Variants in ZNF385B observed in about 807,000 individuals in gnomAD.
The protein encoded by ZNF385B is zinc finger protein 533.
ZNF385B carries 23 observed loss-of-function variants against 39.2 expected under a neutral mutation model. The ratio of observed to expected loss-of-function variants is 0.59; its 90% CI spans 0.42 to 0.83. The LOEUF is 0.83. Ranked by LOEUF, ZNF385B falls within the 40% of genes least tolerant of loss-of-function variation. The pLI, the probability that ZNF385B is intolerant of heterozygous loss-of-function variation, is 0.00. For synonymous variants in ZNF385B, 205 were observed against 222.6 expected (o/e 0.92, Z 0.70); for missense variants, 552 against 598.9 (o/e 0.92, Z 0.82).
At chr2:179,513,229 T>TC (rs35350779) in intron 5 of ZNF385B, among the ~76,000 whole-genome samples, 9 of 151,712 alleles carry the variant, frequency 5.9e-5, no homozygotes, top group African/African-American at 1.9e-4. Context: ...AATAATAAAC[T>TC]CCCCCCCAAA....
At chr2:179,524,990 T>G (rs987002857) in intron 4 of ZNF385B, among the ~76,000 whole-genome samples, 1 of 152,216 alleles carries the variant, frequency 6.6e-6, no homozygotes, top group Non-Finnish European at 1.5e-5. Context: ...AATTACCTCC[T>G]GTAGTCTCCA....
chr2:179,839,613 TC>T (rs1262659717), intron 1 of ZNF385B, among the ~76,000 whole-genome samples: 9 of 152,070 alleles, frequency 5.9e-5, no homozygotes, highest in Non-Finnish European at 1.2e-4. Flanking sequence ...TAAGTTAGGG[TC>T]CCAGTGGGAA....
chr2:179,522,947 C>T, intron 4 of ZNF385B: 1 of 402,474 alleles, frequency 2.5e-6, no homozygotes, highest in South Asian at 2.0e-5. Flanking sequence ...TAGAAGCAGT[C>T]ATCTGGAATT....
At chr2:179,532,422 T>C (rs1382935071) in intron 4 of ZNF385B, among the ~76,000 whole-genome samples, 4 of 152,090 alleles carry the variant, frequency 2.6e-5, no homozygotes, top group Non-Finnish European at 5.9e-5. Context: ...AATCAAACAA[T>C]GAAGAGAAAC....
intron 3 of ZNF385B, among the ~76,000 whole-genome samples, chr2:179,675,881 G>A (rs372384045): frequency 2.2e-4 from 34 of 151,808 alleles, no homozygotes; most frequent in African/African-American, 7.5e-4. Flanking sequence ...TCCGCCTCCT[G>A]GGTTCAAGTG....
chr2:179,522,510 T>C (rs1325717428), intron 4 of ZNF385B, among the ~76,000 whole-genome samples: 2 of 107,190 alleles, frequency 1.9e-5, no homozygotes, highest in African/African-American at 6.5e-5. Flanking sequence ...AGTAACTCAT[T>C]TTAGTACAGT....
chr2:179,659,945 A>G (rs1453305835), intron 3 of ZNF385B: 1 of 152,680 alleles, frequency 6.5e-6, no homozygotes, highest in Non-Finnish European at 1.5e-5. Context: ...TAGTAGGACA[A>G]ATAATACTAA....
intron 1 of ZNF385B, among the ~76,000 whole-genome samples, chr2:179,819,228 A>C (rs1278166917): frequency 6.6e-6 from 1 of 152,124 alleles, no homozygotes; most frequent in Non-Finnish European, 1.5e-5. Flanking sequence ...AAATTCAGCA[A>C]ACTTGAGAAG....
chr2:179,857,157 T>C (rs886866741), intron 1 of ZNF385B, among the ~76,000 whole-genome samples: 2 of 152,180 alleles, frequency 1.3e-5, no homozygotes, highest in African/African-American at 2.4e-5. Context: ...ATAAAAACCA[T>C]GTTGAGGTGT....
At chr2:179,468,043 T>G (rs145421198) in intron 6 of ZNF385B, among the ~76,000 whole-genome samples, 74 of 152,298 alleles carry the variant, frequency 4.9e-4, no homozygotes, top group African/African-American at 1.7e-3. Flanking sequence ...TGTGGTTCAA[T>G]AGAAAGTCAG....
chr2:179,807,930 G>GAAAC (rs879383302), intron 1 of ZNF385B, among the ~76,000 whole-genome samples: 2 of 125,010 alleles, frequency 1.6e-5, no homozygotes, highest in African/African-American at 5.8e-5. Flanking sequence ...AAGAAAGAAA[G>GAAAC]AAGGAAGGAA....
intron 6 of ZNF385B, among the ~76,000 whole-genome samples, chr2:179,460,136 T>C (rs957206728): frequency 2.6e-5 from 4 of 151,850 alleles, no homozygotes; most frequent in Admixed American, 2.6e-4. Flanking sequence ...AAAAAAAATA[T>C]ATAATGTCTC....
chr2:179,504,566 A>T (rs576660534), intron 5 of ZNF385B, among the ~76,000 whole-genome samples: 1 of 151,876 alleles, frequency 6.6e-6, no homozygotes, highest in Non-Finnish European at 1.5e-5. Flanking sequence ...AATGATTGCC[A>T]TTCTAACTGG....
intron 3 of ZNF385B, among the ~76,000 whole-genome samples, chr2:179,759,958 AT>A (rs1391789600): frequency 6.6e-6 from 1 of 151,950 alleles, no homozygotes; most frequent in Non-Finnish European, 1.5e-5. Flanking sequence ...TTTAACTGAA[AT>A]TTTTATCAAG....
At chr2:179,525,264 C>T (rs1025733460) in intron 4 of ZNF385B, among the ~76,000 whole-genome samples, 3 of 152,166 alleles carry the variant, frequency 2.0e-5, no homozygotes, top group Admixed American at 2.0e-4. Context: ...GCTGCCTACA[C>T]AAACCTAAGG....
chr2:179,510,990 T>A (rs568825362), intron 5 of ZNF385B, among the ~76,000 whole-genome samples: 1 of 152,300 alleles, frequency 6.6e-6, no homozygotes, highest in East Asian at 1.9e-4. Context: ...AAAACCCAAG[T>A]GGGTACCCTT....
intron 1 of ZNF385B, among the ~76,000 whole-genome samples, chr2:179,817,698 A>T (rs1707152287): frequency 6.8e-6 from 1 of 146,752 alleles, no homozygotes; most frequent in African/African-American, 2.5e-5. Flanking sequence ...TGTCAATCTG[A>T]ATGGGTCTAT....
intron 1 of ZNF385B, among the ~76,000 whole-genome samples, chr2:179,783,311 T>C (rs1031900458): frequency 1.3e-5 from 2 of 151,968 alleles, no homozygotes; most frequent in East Asian, 1.9e-4. Context: ...CCCTTCCTTA[T>C]ACCATCAACA....
intron 6 of ZNF385B, among the ~76,000 whole-genome samples, chr2:179,448,342 A>C (rs991098231): frequency 6.6e-6 from 1 of 152,094 alleles, no homozygotes; most frequent in African/African-American, 2.4e-5. Context: ...CAGAACTCAT[A>C]AAGCAGCAAA....
Sources: allele counts gnomAD v4.1 joint callset (sites outside exome capture counted in the v4.1 genomes callset), GRCh38; gene constraint gnomAD v4.1.1; transcripts MANE v1.5; gene names NCBI Gene and HGNC (gene_info 2026-07-23, HGNC 2026-07-21).